ADGRD2: variants seen among roughly 807,000 people sequenced by gnomAD.
ADGRD2 encodes G protein-coupled receptor PGR24.
ADGRD2 carries 71 observed loss-of-function variants against 44.4 expected under a neutral mutation model. The observed-to-expected ratio is 1.60, with a 90% CI of 1.32 to 1.95. The LOEUF is 1.95. Among genes scored for constraint, ADGRD2 ranks in the 30% most tolerant of loss-of-function variants. The pLI is 0.00. For missense variants in ADGRD2, 1,039 were observed against 512.4 expected (o/e 2.03, Z -9.92); for synonymous variants, 481 against 224.8 (o/e 2.14, Z -10.19).
upstream of ADGRD2, chr9:124,452,042 G>A (rs1374896477): frequency 5.2e-6 from 2 of 386,880 alleles, no homozygotes; most frequent in Non-Finnish European, 1.0e-5. Context: ...ACAACTGCAA[G>A]TGTGAGGGGA....
Position 124,474,276 on chromosome 9 carries a change from CAAA to C in ADGRD2, c.2759-1150_2759-1148del, listed in dbSNP as rs397947760. 8.4e-4 allele frequency among the ~76,000 whole-genome samples: 68 copies of C among 80,646 alleles called. 1 individual carries two copies. In the South Asian group the frequency reaches 9.8e-3, roughly 12 times the overall value. 52.9% of individuals were successfully genotyped at this position (80,646 alleles called of 152,430 possible). On this transcript the variant is annotated intron_variant, in intron 17 of 21. Coordinates refer to ENST00000334810, the Ensembl canonical transcript of ADGRD2. ...GGCAATAAGAGTGAAAACTCTGTCT[CAAA>C]AAAAAAAAAAAAAAAAAAAGAGCTC...
At chr9:124,467,620 C>T (rs1161454368) in intron 11 of ADGRD2, 101 bp from the exon 15 acceptor site, 4 of 671,460 alleles carry the variant, frequency 6.0e-6, no homozygotes, top group East Asian at 2.7e-5. Flanking sequence ...ACTGTGGAGG[C>T]GAATGCGGCG....
At chr9:124,470,744 T>C (rs1831932276) in intron 17 of ADGRD2, 130 bp downstream of exon 20, 7 of 591,650 alleles carry the variant, frequency 1.2e-5, no homozygotes, top group Non-Finnish European at 2.1e-5. Flanking sequence ...AACTGGGACA[T>C]CCTATCTAAG....
chr9:124,452,171 C>T lies in ADGRD2; in HGVS notation c.68+13C>T, dbSNP rs75828435. 42,120 of 710,874 alleles carry T rather than the reference C, an allele frequency of 0.059. 1,826 individuals carry two copies. Among genetic ancestry groups the T allele is most frequent in the South Asian group, 0.093 (6,198 of 66,786 alleles). 44.0% of individuals were successfully genotyped at this position (710,874 alleles called of 1,614,324 possible). A position where few individuals can be genotyped will look rare whatever the true frequency, so the allele number is the denominator to read the frequency against. ...GGGCCCCAGGTTGGTATGAGGGATC[C>T]CCCCAGGGAGGGTCCCAGTCCCCCA... is the stretch of plus-strand genomic sequence containing the variant. On this transcript the variant is annotated intron_variant, in intron 1 of 21. Coordinates refer to ENST00000334810, the Ensembl canonical transcript of ADGRD2.
chr9:124,466,616 C>G, intron 11 of ADGRD2: 1 of 391,348 alleles, frequency 2.6e-6, no homozygotes, highest in Admixed American at 4.2e-5. Context: ...TCAAGACCAG[C>G]CTGGGCAACA....
chr9:124,458,725 C>G lies in ADGRD2; in HGVS notation c.1870+4C>G, dbSNP rs1290448420. 5.6e-6 allele frequency: 4 copies of G among 717,778 alleles called. No individual in the cohort carries two copies. The Admixed American group carries it at 8.0e-5, about 14-fold the overall frequency. The allele number at this position is 717,778 out of a possible 1,614,324, so 44.5% of individuals were successfully genotyped here. On this transcript the variant is annotated splice_donor_region_variant and intron_variant, in intron 10 of 21. Transcript: ENST00000334810. ...TCATCTCCAGCACCGGGCCCAGGTA[C>G]TGGGTGGCGCTTCTGGGAAGCAGCC...
intron 6 of ADGRD2, among the ~76,000 whole-genome samples, 181 bp from the exon 10 acceptor site, chr9:124,456,441 G>A (rs547556386): frequency 6.6e-6 from 1 of 152,312 alleles, no homozygotes; most frequent in Admixed American, 6.5e-5. Context: ...GCTGGGGCAG[G>A]CAGGGCTTCA....
chr9:124,459,219 C>T (rs571221799), intron 10 of ADGRD2, among the ~76,000 whole-genome samples: 4 of 152,302 alleles, frequency 2.6e-5, no homozygotes, highest in South Asian at 2.1e-4. Context: ...GGTCCGGGCA[C>T]GGTGGCTTAC....
chr9:124,451,729 C>T, upstream of ADGRD2: 1 of 273,566 alleles, frequency 3.7e-6, no homozygotes. Context: ...GAGGGCAGTG[C>T]CTGGGAGGAA....
At chr9:124,458,836 G>C (rs1209123309) in intron 10 of ADGRD2, 115 bp downstream of exon 13, 1 of 618,194 alleles carries the variant, frequency 1.6e-6, no homozygotes, top group African/African-American at 1.8e-5. Context: ...GCACACAAAA[G>C]GTACCTGCAA....
In ADGRD2 at chr9:124,453,210, C is replaced by G. The variant is rs564805827; in HGVS notation, c.459C>G (p.Asn153Lys). The change falls in exon 3 of 22, where the codon AAC (asparagine) becomes AAG (lysine). Residue 153 changes from asparagine (N) to lysine (K), a missense_variant. Transcript: ENST00000334810. ...CCGTTGCCGCGCCCGCGCTGCCCAA[C>G]GCGCTGCAGCTGCGCGCCTTCGCCG... 7.0e-4 allele frequency: 450 copies of G among 641,496 alleles called. 11 individuals are homozygous for G. In the South Asian group the frequency reaches 7.4e-3, roughly 11 times the overall value. The allele number at this position is 641,496 out of a possible 1,614,324, so 39.7% of individuals were successfully genotyped here.
At chr9:124,469,346 C>G (rs773930231) in exon 15 of ADGRD2, 8 of 718,228 alleles carry the variant, frequency 1.1e-5, no homozygotes, top group Non-Finnish European at 2.1e-5. Flanking sequence ...CTGTGCTCTT[C>G]GTGCTGACTG....
Position 124,454,168 on chromosome 9 carries a change from G to T in ADGRD2, c.1022+71G>T. 1 of 610,030 alleles carries T rather than the reference G, an allele frequency of 1.6e-6. No individual in the cohort carries two copies. 37.8% of individuals were successfully genotyped at this position (610,030 alleles called of 1,614,324 possible). Reference sequence around the variant, plus strand: ...TGTGGACCGGAGTAGACTGAGAGGGGGTGAGCTGCTGGCAAAGTCTGGGAA... The same window carrying T: ...TGTGGACCGGAGTAGACTGAGAGGGTGTGAGCTGCTGGCAAAGTCTGGGAA... On this transcript the variant is annotated intron_variant, in intron 4 of 21. Transcript: ENST00000334810. The surrounding 1 kb of genome is among the most constrained non-coding windows in gnomAD (Gnocchi z 4.5).
At chr9:124,477,735 T>C (rs1832074245) in intron 21 of ADGRD2, among the ~76,000 whole-genome samples, 1 of 152,152 alleles carries the variant, frequency 6.6e-6, no homozygotes, top group African/African-American at 2.4e-5. Flanking sequence ...CTTCCCTTTC[T>C]GCAGAATGGG....
At chr9:124,452,000 C>A, upstream of ADGRD2, 5 of 322,328 alleles carry the variant, frequency 1.6e-5, no homozygotes, top group Admixed American at 4.5e-5. Flanking sequence ...ACTGAATGCC[C>A]CCCTCCCACC....
intron 1 of ADGRD2, 75 bp from the exon 5 acceptor site, chr9:124,452,435 C>T: frequency 1.4e-6 from 1 of 714,714 alleles, no homozygotes; most frequent in Non-Finnish European, 2.6e-6. Context: ...GCCCAGTGTC[C>T]TTGGCTCCGC....
chr9:124,456,546 A>G, intron 6 of ADGRD2, 76 bp from the exon 10 acceptor site: 1 of 705,046 alleles, frequency 1.4e-6, no homozygotes, highest in Admixed American at 2.0e-5. Flanking sequence ...ATCATGGAGC[A>G]TTTATCCCAG....
intron 10 of ADGRD2, among the ~76,000 whole-genome samples, chr9:124,460,386 A>T (rs998052522): frequency 1.2e-5 from 1 of 81,808 alleles, no homozygotes; most frequent in East Asian, 2.4e-4. Flanking sequence ...ATATATATAT[A>T]TATTTTTTTT....
intron 17 of ADGRD2, among the ~76,000 whole-genome samples, chr9:124,474,046 C>T (rs936815967): frequency 4.0e-5 from 6 of 151,696 alleles, no homozygotes; most frequent in East Asian, 1.9e-4. Context: ...GAGGCCGAGG[C>T]GGGTGGATTA....
Sources: gnomAD v4.1 joint callset for allele counts (sites outside exome capture counted in the v4.1 genomes callset) on GRCh38, gnomAD v4.1.1 for gene constraint, Gnocchi (gnomAD v3.1) non-coding constraint, MANE v1.5 for transcripts, NCBI Gene and HGNC (gene_info 2026-07-23, HGNC 2026-07-21) for gene names.